The following UGT1A10 variants were observed in gnomAD, a reference collection of about 807,000 sequenced individuals.
UGT1A10 encodes the protein UDP glucuronosyltransferase family 1 member A10, also known as UDP-glucuronosyltransferase 1A10.
Under a neutral mutation model 45.8 loss-of-function variants are expected in UGT1A10, and 49 were observed. The ratio of observed to expected loss-of-function variants is 1.07; its 90% CI spans 0.85 to 1.36. The LOEUF is 1.36. Ranked by LOEUF, UGT1A10 falls within the 40% of genes most tolerant of loss-of-function variation. The pLI is 0.00. For missense variants in UGT1A10, 745 were observed against 668.6 expected (o/e 1.11, Z -1.26); for synonymous variants, 284 against 249.7 (o/e 1.14, Z -1.29).
intron 1 of UGT1A10, among the ~76,000 whole-genome samples, chr2:233,720,871 AT>A (rs60621337): frequency 0.024 from 3,169 of 132,736 alleles, 42 homozygotes; most frequent in Middle Eastern, 0.043. Context: ...GCTCCTGGCA[AT>A]TTTTTTTTTT....
intron 1 of UGT1A10, chr2:233,747,447 A>G (rs757762144): frequency 1.5e-4 from 248 of 1,608,780 alleles, no homozygotes; most frequent in Non-Finnish European, 2.0e-4. Context: ...CACCCTGACA[A>G]CCTATGCCAT....
intron 1 of UGT1A10, among the ~76,000 whole-genome samples, chr2:233,641,656 T>C (rs1404866240): frequency 6.6e-6 from 1 of 152,196 alleles, no homozygotes; most frequent in Non-Finnish European, 1.5e-5. Context: ...TTCTTTCTGA[T>C]TGAAGTACTC....
In UGT1A10 at chr2:233,760,861, T is replaced by C. The variant is rs776126400; in HGVS notation, c.856-6173T>C. 1.9e-6 allele frequency: 3 copies of C among 1,614,158 alleles called. No individual in the cohort carries two copies. The South Asian group carries it at 3.3e-5, about 18-fold the overall frequency. The stretch of plus-strand genomic sequence containing the variant: ...TACCCAGTGCCCCAACCCATTCTCC[T>C]ACGTGCCCAGGCCTCTCTCCTCTCA... On this transcript the variant is annotated intron_variant, in intron 1 of 4. Coordinates refer to ENST00000344644, the MANE Select transcript of UGT1A10 (RefSeq NM_019075.4).
chr2:233,744,535 T>A (rs2125863859), intron 1 of UGT1A10, among the ~76,000 whole-genome samples: 1 of 152,076 alleles, frequency 6.6e-6, no homozygotes, highest in East Asian at 1.9e-4. Flanking sequence ...TATTTTTATG[T>A]AAATTTTATT....
In UGT1A10 at chr2:233,637,135, G is replaced by C. The variant is rs1478571752; in HGVS notation, c.613G>C (p.Glu205Gln). 2 of 1,613,802 alleles carry C rather than the reference G, an allele frequency of 1.2e-6. No homozygotes were observed. The highest frequency in any genetic ancestry group is 1.7e-5 in the Admixed American group (1 of 59,988). Residue 205 changes from glutamate (E) to glutamine (Q), a missense_variant, in exon 1 of 5, where the codon GAG becomes CAG. Coordinates refer to ENST00000344644, the MANE Select transcript of UGT1A10 (RefSeq NM_019075.4). ...LGFSDAMTFKERVWNHIVHLE... is the reference protein window; with the variant it reads ...LGFSDAMTFKQRVWNHIVHLE... ...GTTCTCAGATGCCATGACTTTCAAG[G>C]AGAGAGTATGGAACCACATCGTGCA...
intron 1 of UGT1A10, among the ~76,000 whole-genome samples, chr2:233,658,107 C>T (rs934530342): frequency 4.0e-5 from 6 of 151,394 alleles, no homozygotes; most frequent in Non-Finnish European, 7.4e-5. Context: ...CAACCTCTGC[C>T]TCCTGGGTTC....
At chr2:233,668,353 G>A (rs992943803) in intron 1 of UGT1A10, among the ~76,000 whole-genome samples, 4 of 152,164 alleles carry the variant, frequency 2.6e-5, no homozygotes, top group African/African-American at 9.7e-5. Flanking sequence ...ATGGTTTCCA[G>A]CTTCATCCAT....
chr2:233,713,232 G>A lies in UGT1A10; in HGVS notation c.856-53802G>A, dbSNP rs1482258510. On this transcript the variant is annotated intron_variant, in intron 1 of 4. Coordinates refer to ENST00000344644, the MANE Select transcript of UGT1A10 (RefSeq NM_019075.4). Reference sequence around the variant, plus strand: ...GAACTTTTTCACCCTGACAACGTATGCCATTTCATGGACCCAGGACGAATT... The same window carrying A: ...GAACTTTTTCACCCTGACAACGTATACCATTTCATGGACCCAGGACGAATT... 12 of 1,614,154 alleles carry A rather than the reference G, an allele frequency of 7.4e-6. No homozygotes were observed. The highest frequency in any genetic ancestry group is 9.3e-6 in the Non-Finnish European group (11 of 1,180,054).
chr2:233,672,407 C>A, intron 1 of UGT1A10: 2 of 1,613,862 alleles, frequency 1.2e-6, no homozygotes, highest in Non-Finnish European at 1.7e-6. Flanking sequence ...TTAATTGTTG[C>A]CAAATATTTC....
At chr2:233,685,342 T>C (rs1160344395) in intron 1 of UGT1A10, among the ~76,000 whole-genome samples, 1 of 152,088 alleles carries the variant, frequency 6.6e-6, no homozygotes, top group African/African-American at 2.4e-5. Flanking sequence ...CTTAAAGTGG[T>C]TTTAATGAGA....
intron 1 of UGT1A10, among the ~76,000 whole-genome samples, chr2:233,687,583 TAAAAAAAAAA>T (rs71398794): frequency 1.9e-5 from 2 of 107,472 alleles, no homozygotes; most frequent in Non-Finnish European, 1.9e-5. Context: ...ACATTCTTTG[TAAAAAAAAAA>T]AAAAAAAAAA....
rs530894832 is a variant in UGT1A10, at chr2:233,736,505, A to T, written c.856-30529A>T. 2.0e-5 allele frequency among the ~76,000 whole-genome samples: 3 copies of T among 152,320 alleles called. No individual in the cohort carries two copies. The East Asian group carries it at 5.8e-4, about 29-fold the overall frequency. On this transcript the variant is annotated intron_variant, in intron 1 of 4. Transcript: ENST00000344644. ...TGTTACTACCAAACTTCTGAAGCCT[A>T]CTTCTGTCAACTCGTCAAAGTCATT... is the stretch of plus-strand genomic sequence containing the variant.
chr2:233,755,066 A>G, intron 1 of UGT1A10: 1 of 1,335,668 alleles, frequency 7.5e-7, no homozygotes, highest in Non-Finnish European at 1.0e-6. Flanking sequence ...TCGCCTCGCC[A>G]TAGCGGTCAT....
intron 1 of UGT1A10, among the ~76,000 whole-genome samples, chr2:233,702,779 G>A (rs558414235): frequency 6.6e-6 from 1 of 152,162 alleles, no homozygotes; most frequent in African/African-American, 2.4e-5. Context: ...ATTTGCAGGT[G>A]TAAACGAACC....
At chr2:233,751,815 C>G (rs186854463) in intron 1 of UGT1A10, among the ~76,000 whole-genome samples, 1 of 152,308 alleles carries the variant, frequency 6.6e-6, no homozygotes, top group East Asian at 1.9e-4. Context: ...TTTCCTGAGG[C>G]CTCCCCAGCC....
chr2:233,653,243 A>T (rs1000114893), intron 1 of UGT1A10, among the ~76,000 whole-genome samples: 36 of 152,334 alleles, frequency 2.4e-4, no homozygotes, highest in African/African-American at 8.7e-4. Context: ...GATTTATTTG[A>T]AAAACATATA....
chr2:233,707,730 G>A (rs910069096), intron 1 of UGT1A10, among the ~76,000 whole-genome samples: 2 of 152,114 alleles, frequency 1.3e-5, no homozygotes, highest in Admixed American at 6.6e-5. Flanking sequence ...ATGTTACAAC[G>A]AACATTCTTT....
At chr2:233,721,692 C>T (rs77600287) in intron 1 of UGT1A10, 13,894 of 352,288 alleles carry the variant, frequency 0.039, 386 homozygotes, top group Non-Finnish European at 0.058. Context: ...CTCTGCAAGA[C>T]GCATGGCTCA....
At chr2:233,743,449 G>A in intron 1 of UGT1A10, 2 of 1,365,064 alleles carry the variant, frequency 1.5e-6, no homozygotes, top group African/African-American at 3.0e-5. Context: ...TGTATCAAAA[G>A]AAGAAAAAAC....
Sources: gnomAD v4.1 joint callset for allele counts (sites outside exome capture counted in the v4.1 genomes callset) on GRCh38, gnomAD v4.1.1 for gene constraint, MANE v1.5 for transcripts, NCBI Gene and HGNC (gene_info 2026-07-23, HGNC 2026-07-21) for gene names.